The following VSIG4 variants were observed in gnomAD, a reference collection of about 807,000 sequenced individuals.
VSIG4 encodes V-set and immunoglobulin domain containing 4, also known as V-set and immunoglobulin domain-containing protein 4.
A neutral mutation model predicts 23.4 loss-of-function variants in VSIG4; 34 were observed. The observed-to-expected ratio is 1.45, with a 90% CI of 1.10 to 1.93. VSIG4 has a LOEUF of 1.93. VSIG4 is among the 30% of genes most tolerant of loss of function. VSIG4 has a pLI of 0.00. For missense variants in VSIG4, 433 were observed against 310.8 expected (o/e 1.39, Z -2.96); for synonymous variants, 169 against 120.3 (o/e 1.41, Z -2.65).
rs778183513 is a variant in VSIG4 at position 66,022,005 on chromosome X, C to T, written c.*258G>A. 8.3e-5 allele frequency: 91 copies of T among 1,098,759 alleles called. No individual in the cohort carries two copies. Among genetic ancestry groups the T allele is most frequent in the Non-Finnish European group, 1.1e-4 (86 of 818,094 alleles). The allele number at this position is 1,098,759 out of a possible 1,213,427, so 90.6% of individuals were successfully genotyped here. ...CAAGTCCTAGTGCTATGGGCATCTT[C>T]CCTCTGGTATTTAGAGAGGAGTACC... is the stretch of plus-strand genomic sequence containing the variant. On this transcript the variant is annotated 3_prime_UTR_variant, in exon 8 of 8. Coordinates refer to ENST00000374737, the MANE Select transcript of VSIG4 (RefSeq NM_007268.3).
rs753511493 is a variant in VSIG4, at chrX:66,022,825, G to A, written c.962+16C>T. ...CAGGGACGGGGTCAAAAATGGAAGAGGAGAGACTTTCTTACCTGGCTGCTT... is the reference window on the plus strand; with the variant it reads ...CAGGGACGGGGTCAAAAATGGAAGAAGAGAGACTTTCTTACCTGGCTGCTT... On this transcript the variant is annotated intron_variant, in intron 7 of 7. Transcript: ENST00000374737. The A allele has an allele frequency of 6.6e-6, 8 of 1,211,771 alleles. No individual in the cohort carries two copies. The highest frequency in any genetic ancestry group is 5.9e-5 in the East Asian group (2 of 33,816).
At chrX:66,035,282 G>A (rs1408413558) in intron 1 of VSIG4, among the ~76,000 whole-genome samples, 4 of 112,087 alleles carry the variant, frequency 3.6e-5, no homozygotes, top group Non-Finnish European at 3.8e-5. Context: ...TCAGACCTAC[G>A]AATGGGAATA....
At chrX:66,036,685 G>A (rs1282871200) in intron 1 of VSIG4, among the ~76,000 whole-genome samples, 15 of 43,477 alleles carry the variant, frequency 3.5e-4, no homozygotes, top group African/African-American at 4.7e-4. Context: ...TATATAATAC[G>A]ATATATTATT....
At chrX:66,035,947 G>A (rs1420580502) in intron 1 of VSIG4, among the ~76,000 whole-genome samples, 1 of 111,612 alleles carries the variant, frequency 9.0e-6, no homozygotes, top group Non-Finnish European at 1.9e-5. Flanking sequence ...TCCTCCCTGG[G>A]AATTTGCTGG....
intron 3 of VSIG4, among the ~76,000 whole-genome samples, chrX:66,031,732 C>T (rs2085466298): frequency 9.0e-6 from 1 of 111,106 alleles, no homozygotes; most frequent in Admixed American, 9.6e-5. Context: ...TCATTTAAGC[C>T]TCAGCTTACA....
At chrX:66,038,671 A>G (rs2085649043) in intron 1 of VSIG4, among the ~76,000 whole-genome samples, 1 of 112,045 alleles carries the variant, frequency 8.9e-6, no homozygotes, top group African/African-American at 3.2e-5. Context: ...TGTGGTAGTT[A>G]TAGAAAGAAA....
At chrX:66,023,867 A>G (rs1177174836) in intron 6 of VSIG4, among the ~76,000 whole-genome samples, 1 of 112,210 alleles carries the variant, frequency 8.9e-6, no homozygotes, top group African/African-American at 3.2e-5. Context: ...TGAGAGAGAA[A>G]CAATTTAATG....
chrX:66,026,864 A>G (rs190468990), intron 5 of VSIG4, among the ~76,000 whole-genome samples: 1 of 111,716 alleles, frequency 9.0e-6, no homozygotes, highest in Admixed American at 9.5e-5. Flanking sequence ...TGGAGGGCTC[A>G]GGGGTTAAGG....
intron 1 of VSIG4, among the ~76,000 whole-genome samples, chrX:66,038,174 G>T (rs145167838): frequency 9.0e-6 from 1 of 111,190 alleles, no homozygotes; most frequent in South Asian, 3.7e-4. Context: ...ATATCTCTTA[G>T]CCCCACAGGA....
intron 3 of VSIG4, among the ~76,000 whole-genome samples, chrX:66,028,558 CTT>C (rs34660062): frequency 0.031 from 2,267 of 74,157 alleles, 129 homozygotes; most frequent in African/African-American, 0.1. Context: ...ACGTAATCAA[CTT>C]TTTTTTTTTT....
intron 3 of VSIG4, among the ~76,000 whole-genome samples, chrX:66,031,986 G>T (rs1170201818): frequency 1.8e-5 from 2 of 111,745 alleles, no homozygotes; most frequent in Admixed American, 1.9e-4. Flanking sequence ...TTCAAAGGGT[G>T]CCCAGGATCT....
chrX:66,038,365 C>T (rs1487148723), intron 1 of VSIG4, among the ~76,000 whole-genome samples: 2 of 110,095 alleles, frequency 1.8e-5, no homozygotes, highest in Non-Finnish European at 3.8e-5. Context: ...TCAGCATAAC[C>T]TGAGCCTGAG....
chrX:66,025,160 T>C (rs773766629), intron 5 of VSIG4, 31 bp from the exon 6 acceptor site: 57 of 1,048,121 alleles, frequency 5.4e-5, no homozygotes, highest in Non-Finnish European at 7.2e-5. Context: ...AAGTGGTATT[T>C]GATTGAAAAT....
chrX:66,028,247 C>T (rs2085416942), intron 3 of VSIG4, 135 bp from the exon 4 acceptor site: 1 of 507,267 alleles, frequency 2.0e-6, no homozygotes, highest in South Asian at 3.0e-5. Context: ...TGTCATGATG[C>T]TGGTAAGTCC....
intron 1 of VSIG4, among the ~76,000 whole-genome samples, chrX:66,035,856 T>G (rs985199980): frequency 2.7e-5 from 3 of 112,454 alleles, no homozygotes; most frequent in Non-Finnish European, 5.6e-5. Flanking sequence ...CATTCTGCTG[T>G]GAGTTGAAAA....
chrX:66,024,900 A>G, intron 6 of VSIG4, 125 bp downstream of exon 6: 2 of 447,549 alleles, frequency 4.5e-6, no homozygotes, highest in South Asian at 1.2e-4. Flanking sequence ...CCCAACCTTA[A>G]CTCCCAAACT....
chrX:66,038,309 G>T (rs1470990614), intron 1 of VSIG4, among the ~76,000 whole-genome samples: 2 of 110,422 alleles, frequency 1.8e-5, no homozygotes, highest in African/African-American at 3.3e-5. Context: ...GTACAGATGG[G>T]CTAGGAACAA....
chrX:66,036,114 GTT>G (rs1031709995), intron 1 of VSIG4, among the ~76,000 whole-genome samples: 1 of 111,116 alleles, frequency 9.0e-6, no homozygotes, highest in African/African-American at 3.3e-5. Flanking sequence ...AAAATGGCAT[GTT>G]TTTTCCCCTT....
chrX:66,036,308 A>T (rs918529585), intron 1 of VSIG4, among the ~76,000 whole-genome samples: 1 of 109,166 alleles, frequency 9.2e-6, no homozygotes, highest in African/African-American at 3.3e-5. Flanking sequence ...GAAAAATGAC[A>T]TTGTACTATT....
Sources: allele counts gnomAD v4.1 joint callset (sites outside exome capture counted in the v4.1 genomes callset), GRCh38; gene constraint gnomAD v4.1.1; transcripts MANE v1.5; gene names NCBI Gene and HGNC (gene_info 2026-07-23, HGNC 2026-07-21).